The following GRID2 variants were observed in gnomAD, a reference collection of about 807,000 sequenced individuals.
The protein encoded by GRID2 is glutamate ionotropic receptor delta type subunit 2, also known as glutamate receptor ionotropic, delta-2.
GRID2 carries 33 observed loss-of-function variants against 114.8 expected under a neutral mutation model. The observed-to-expected ratio is 0.29, with a 90% CI of 0.22 to 0.38. The LOEUF (loss-of-function observed/expected upper bound fraction) is 0.38. Ranked by LOEUF, GRID2 falls within the 10% of genes least tolerant of loss-of-function variation. The pLI is 1.00. For missense variants in GRID2, 1,184 were observed against 1,257.7 expected (o/e 0.94, Z 0.89); for synonymous variants, 505 against 449.9 (o/e 1.12, Z -1.55).
At chr4:92,464,692 C>G (rs1265554415) in intron 1 of GRID2, among the ~76,000 whole-genome samples, 1 of 151,954 alleles carries the variant, frequency 6.6e-6, no homozygotes, top group African/African-American at 2.4e-5. Flanking sequence ...AGCTTACAGT[C>G]TATTAGTGGA....
chr4:93,330,827 A>G (rs956462486), intron 8 of GRID2, among the ~76,000 whole-genome samples: 2 of 152,040 alleles, frequency 1.3e-5, no homozygotes, highest in Admixed American at 6.6e-5. Flanking sequence ...CAAATCTTCT[A>G]ATCTATTCCC....
At chr4:93,511,909 G>A (rs139539352) in intron 12 of GRID2, among the ~76,000 whole-genome samples, 305 of 151,822 alleles carry the variant, frequency 2.0e-3, no homozygotes, top group African/African-American at 7.0e-3. Flanking sequence ...AGCCTCCTGA[G>A]TATCTGGGAT....
intron 2 of GRID2, among the ~76,000 whole-genome samples, chr4:93,028,422 C>G (rs922917446): frequency 1.3e-5 from 2 of 151,654 alleles, no homozygotes; most frequent in Non-Finnish European, 2.9e-5. Flanking sequence ...AGAGAGAGTG[C>G]CAGGGTAGTA....
chr4:92,346,094 C>A (rs1329679158), intron 1 of GRID2, among the ~76,000 whole-genome samples: 3 of 152,188 alleles, frequency 2.0e-5, no homozygotes, highest in African/African-American at 7.2e-5. Flanking sequence ...GCTACCTTAT[C>A]AGCTCTTACC....
At chr4:92,701,414 T>G (rs899774597) in intron 2 of GRID2, among the ~76,000 whole-genome samples, 3 of 152,110 alleles carry the variant, frequency 2.0e-5, no homozygotes, top group Admixed American at 1.3e-4. Context: ...AATAAAAATT[T>G]TAAAATGAGA....
intron 2 of GRID2, among the ~76,000 whole-genome samples, chr4:92,592,621 T>C (rs1728756576): frequency 6.6e-6 from 1 of 152,064 alleles, no homozygotes; most frequent in Non-Finnish European, 1.5e-5. Context: ...ACTAGGTATT[T>C]GTCAAGAAAA....
chr4:92,682,372 A>G (rs1320307639), intron 2 of GRID2, among the ~76,000 whole-genome samples: 3 of 152,200 alleles, frequency 2.0e-5, no homozygotes, highest in African/African-American at 7.2e-5. Context: ...TATGGTCCGT[A>G]GACCAGCAAC....
intron 2 of GRID2, among the ~76,000 whole-genome samples, chr4:92,729,976 A>C (rs1579929738): frequency 6.6e-6 from 1 of 152,020 alleles, no homozygotes; most frequent in South Asian, 2.1e-4. Flanking sequence ...GAAATGTAGA[A>C]ATATAATGAG....
At chr4:93,466,918 A>G (rs1050581156) in intron 11 of GRID2, among the ~76,000 whole-genome samples, 4 of 152,252 alleles carry the variant, frequency 2.6e-5, no homozygotes, top group Non-Finnish European at 5.9e-5. Context: ...CTTTAAGCTT[A>G]ACAGAATTAC....
At chr4:92,406,142 C>T (rs1188846983) in intron 1 of GRID2, among the ~76,000 whole-genome samples, 2 of 152,146 alleles carry the variant, frequency 1.3e-5, no homozygotes, top group Non-Finnish European at 2.9e-5. Context: ...GGTCCACATT[C>T]CCCAGCCCAC....
intron 1 of GRID2, among the ~76,000 whole-genome samples, chr4:92,480,041 T>C (rs28498071): frequency 0.013 from 2,040 of 152,252 alleles, 46 homozygotes; most frequent in African/African-American, 0.047. Context: ...ATTGTTATTT[T>C]GGAACATGTT....
intron 8 of GRID2, among the ~76,000 whole-genome samples, chr4:93,285,777 G>T (rs1389391204): frequency 6.6e-6 from 1 of 151,940 alleles, no homozygotes; most frequent in Admixed American, 6.6e-5. Context: ...TGATACAAAA[G>T]TCAAGAATTG....
At chr4:92,412,131 G>A (rs1731369328) in intron 1 of GRID2, among the ~76,000 whole-genome samples, 1 of 151,852 alleles carries the variant, frequency 6.6e-6, no homozygotes, top group Non-Finnish European at 1.5e-5. Context: ...GTGTGTGTGT[G>A]TGTGTGGTGT....
chr4:93,478,912 G>T (rs1423369791), intron 11 of GRID2, among the ~76,000 whole-genome samples: 2 of 151,928 alleles, frequency 1.3e-5, no homozygotes, highest in Non-Finnish European at 2.9e-5. Flanking sequence ...TTTGCAAATA[G>T]ACCTATAGCC....
chr4:93,595,395 C>T (rs1041835014), intron 13 of GRID2, among the ~76,000 whole-genome samples: 2 of 152,122 alleles, frequency 1.3e-5, no homozygotes, highest in African/African-American at 4.8e-5. Flanking sequence ...TTATTAGGAG[C>T]CAAACCCAGC....
intron 1 of GRID2, among the ~76,000 whole-genome samples, chr4:92,347,979 G>A (rs570020626): frequency 1.3e-5 from 2 of 152,250 alleles, no homozygotes; most frequent in Non-Finnish European, 2.9e-5. Flanking sequence ...TGTTGAGACC[G>A]ATTATTTGCC....
At chr4:93,048,825 C>T (rs1726418559) in intron 2 of GRID2, among the ~76,000 whole-genome samples, 1 of 152,000 alleles carries the variant, frequency 6.6e-6, no homozygotes, top group South Asian at 2.1e-4. Flanking sequence ...CTTGACATTT[C>T]CTTTTCCGGA....
chr4:93,363,926 T>C (rs917574409), intron 8 of GRID2, among the ~76,000 whole-genome samples: 22 of 152,004 alleles, frequency 1.4e-4, no homozygotes, highest in African/African-American at 5.3e-4. Context: ...TCCAATCATT[T>C]TATACTTTTA....
In GRID2 at chr4:93,772,164, C is replaced by T. The variant is rs1257270092; in HGVS notation, c.2690C>T (p.Thr897Ile). 6.2e-7 allele frequency: 1 copy of T among 1,613,270 alleles called. No individual in the cohort carries two copies. Among genetic ancestry groups the T allele is most frequent in the South Asian group, 1.1e-5 (1 of 91,066 alleles). ...DDDSPHKQFS[T>I]SSIDLTPLDI... is the part of the protein sequence containing the mutation. ...GACAGCCCCCATAAACAGTTTTCCA[C>T]CTCGTCAATTGATTTGACCCCTCTG... Residue 897 changes from threonine (T) to isoleucine (I), a missense_variant, in exon 16 of 16, where the codon ACC becomes ATC. Coordinates refer to ENST00000282020, the MANE Select transcript of GRID2 (RefSeq NM_001510.4).
Sources: gnomAD v4.1 joint callset for allele counts (sites outside exome capture counted in the v4.1 genomes callset) on GRCh38, gnomAD v4.1.1 for gene constraint, MANE v1.5 for transcripts, NCBI Gene and HGNC (gene_info 2026-07-23, HGNC 2026-07-21) for gene names.